The following HPSE2 variants were observed in gnomAD, a reference collection of about 807,000 sequenced individuals.
HPSE2 encodes heparanase 2 (inactive).
Under a neutral mutation model 60.5 loss-of-function variants are expected in HPSE2, and 38 were observed. The ratio of observed to expected loss-of-function variants is 0.63; its 90% CI spans 0.48 to 0.82. The LOEUF (loss-of-function observed/expected upper bound fraction) is 0.82. Among genes scored for constraint, HPSE2 ranks in the 40% least tolerant of loss-of-function variants. The probability of loss-of-function intolerance (pLI) is 0.00; values close to 1 mark genes in which losing one functional copy is unlikely to be tolerated. For missense variants in HPSE2, 713 were observed against 740.4 expected, an observed-to-expected ratio of 0.96 and a Z score of 0.43; for synonymous variants, 295 against 293.2, an observed-to-expected ratio of 1.01 and a Z score of -0.06.
rs111978017 is a variant in HPSE2 at position 98,934,991 on chromosome 10, T to C, written c.611-190935A>G. Among the ~76,000 whole-genome samples, 308 of 142,712 alleles carry C rather than the reference T, an allele frequency of 2.2e-3. 56 individuals carry two copies. The highest frequency in any genetic ancestry group is 8.6e-3 in the African/African-American group (300 of 34,734). 93.6% of individuals were successfully genotyped at this position (142,712 alleles called of 152,430 possible). On this transcript the variant is annotated intron_variant, in intron 3 of 11. Coordinates refer to ENST00000370552, the MANE Select transcript of HPSE2 (RefSeq NM_021828.5). ...AGGTTTTGTTTGTTCCTTTTCATTG[T>C]TTATTCTCTAATCTTGTCTGCCTGC... is the stretch of plus-strand genomic sequence containing the variant.
chr10:99,281,737 T>C, the HPSE2 span, among the ~76,000 whole-genome samples: 2 of 152,174 alleles, frequency 1.3e-5, no homozygotes, highest in Non-Finnish European at 2.9e-5. Flanking sequence ...TAAATTAAGA[T>C]TGTTAAGCAA....
chr10:99,084,143 CAAGG>C (rs1843239823), intron 3 of HPSE2, among the ~76,000 whole-genome samples: 2 of 151,920 alleles, frequency 1.3e-5, no homozygotes, highest in Admixed American at 1.3e-4. Flanking sequence ...CCCTTTGCAG[CAAGG>C]ACCATAAAAC....
At chr10:98,738,398 T>C (rs1164025215) in intron 4 of HPSE2, among the ~76,000 whole-genome samples, 1 of 152,140 alleles carries the variant, frequency 6.6e-6, no homozygotes, top group African/African-American at 2.4e-5. Flanking sequence ...GGCAATACCA[T>C]TCAGGACAAA....
intron 9 of HPSE2, among the ~76,000 whole-genome samples, chr10:98,595,530 AC>A (rs1453633329): frequency 1.3e-5 from 2 of 152,144 alleles, no homozygotes; most frequent in Non-Finnish European, 2.9e-5. Context: ...TTAATATGCT[AC>A]TATTTTTATA....
intron 9 of HPSE2, among the ~76,000 whole-genome samples, chr10:98,496,714 T>C (rs1941851328): frequency 6.6e-6 from 1 of 152,264 alleles, no homozygotes; most frequent in South Asian, 2.1e-4. Flanking sequence ...AGTGCAATTG[T>C]TGTCTGAGTG....
intron 2 of HPSE2, among the ~76,000 whole-genome samples, chr10:99,230,567 C>T (rs779705867): frequency 6.6e-6 from 1 of 152,028 alleles, no homozygotes; most frequent in Admixed American, 6.6e-5. Context: ...TTACAGGGCA[C>T]TGCCTTCTGC....
chr10:98,856,456 C>A (rs1233801235), intron 3 of HPSE2, among the ~76,000 whole-genome samples: 1 of 151,782 alleles, frequency 6.6e-6, no homozygotes, highest in African/African-American at 2.4e-5. Context: ...TTCTGAAAAC[C>A]AAGGAAATAA....
At chr10:99,101,672 A>T (rs1390448182) in intron 3 of HPSE2, among the ~76,000 whole-genome samples, 1 of 152,230 alleles carries the variant, frequency 6.6e-6, no homozygotes, top group African/African-American at 2.4e-5. Context: ...CCAAATCAAC[A>T]GAATATACAT....
At chr10:98,805,576 T>C (rs1951023630) in intron 3 of HPSE2, among the ~76,000 whole-genome samples, 1 of 151,804 alleles carries the variant, frequency 6.6e-6, no homozygotes, top group African/African-American at 2.4e-5. Flanking sequence ...ATTAAAAAAA[T>C]AAAGAGATGG....
chr10:99,250,569 A>C, the HPSE2 span, among the ~76,000 whole-genome samples: 2 of 152,174 alleles, frequency 1.3e-5, no homozygotes, highest in Admixed American at 1.3e-4. Flanking sequence ...TCATCTGCAC[A>C]CATAACATAC....
chr10:99,240,774 T>A (rs1049672827), upstream of HPSE2, among the ~76,000 whole-genome samples: 1 of 152,314 alleles, frequency 6.6e-6, no homozygotes, highest in South Asian at 2.1e-4. Context: ...CACAAACTCA[T>A]TAATTCTATA....
chr10:98,547,409 T>G (rs1469380592), intron 9 of HPSE2, among the ~76,000 whole-genome samples: 1 of 150,906 alleles, frequency 6.6e-6, no homozygotes, highest in African/African-American at 2.4e-5. Flanking sequence ...CCAACCCAAA[T>G]GTCCAACAAT....
At chr10:98,791,063 A>G (rs117414497) in intron 3 of HPSE2, among the ~76,000 whole-genome samples, 2 of 152,324 alleles carry the variant, frequency 1.3e-5, no homozygotes, top group South Asian at 2.1e-4. Context: ...CTGAGTTTCT[A>G]TCAATAAATA....
At chr10:99,181,392 C>A (rs28885155) in intron 2 of HPSE2, among the ~76,000 whole-genome samples, 2 of 79,594 alleles carry the variant, frequency 2.5e-5, no homozygotes, top group African/African-American at 1.0e-4. Flanking sequence ...AGCGAGACTC[C>A]GTCTCAAAAA....
intron 3 of HPSE2, among the ~76,000 whole-genome samples, chr10:98,753,241 G>A (rs548163233): frequency 6.6e-6 from 1 of 152,300 alleles, no homozygotes; most frequent in African/African-American, 2.4e-5. Context: ...GAGAAAAAAA[G>A]TCAGGTAATG....
intron 6 of HPSE2, among the ~76,000 whole-genome samples, chr10:98,669,943 G>T (rs1366124087): frequency 6.6e-6 from 1 of 152,156 alleles, no homozygotes; most frequent in African/African-American, 2.4e-5. Flanking sequence ...AGAAAAGATT[G>T]CTCTTTTACA....
chr10:98,534,310 G>A (rs1308546778), intron 9 of HPSE2, among the ~76,000 whole-genome samples: 3 of 152,142 alleles, frequency 2.0e-5, no homozygotes, highest in Admixed American at 1.3e-4. Flanking sequence ...GCCAATAAAA[G>A]TTATGGAAGA....
chr10:98,650,186 C>T (rs966428097), intron 6 of HPSE2, among the ~76,000 whole-genome samples: 3 of 152,200 alleles, frequency 2.0e-5, no homozygotes, highest in Admixed American at 6.5e-5. Context: ...TTAGTAGTGT[C>T]TGTCCCCATT....
At chr10:99,103,008 A>G (rs1348619045) in intron 3 of HPSE2, among the ~76,000 whole-genome samples, 1 of 152,190 alleles carries the variant, frequency 6.6e-6, no homozygotes, top group East Asian at 1.9e-4. Flanking sequence ...TATTTATGAC[A>G]AACCCACAGC....
Sources: gnomAD v4.1 joint callset for allele counts (sites outside exome capture counted in the v4.1 genomes callset) on GRCh38, gnomAD v4.1.1 for gene constraint, MANE v1.5 for transcripts, NCBI Gene and HGNC (gene_info 2026-07-23, HGNC 2026-07-21) for gene names.